PPM1H: variants seen among roughly 807,000 people sequenced by gnomAD.
PPM1H encodes protein phosphatase, Mg2+/Mn2+ dependent 1H.
PPM1H carries 27 observed loss-of-function variants against 54.9 expected under a neutral mutation model. That is an observed-to-expected ratio of 0.49 (90% CI 0.36 to 0.68). The LOEUF is 0.68. Among genes scored for constraint, PPM1H ranks in the 30% least tolerant of loss-of-function variants. PPM1H has a pLI of 0.00. For missense variants in PPM1H, 596 were observed against 667.8 expected, an observed-to-expected ratio of 0.89 and a Z score of 1.19; for synonymous variants, 305 against 270.8, an observed-to-expected ratio of 1.13 and a Z score of -1.24.
At chr12:62,845,893 T>A (rs1868948234) in intron 1 of PPM1H, among the ~76,000 whole-genome samples, 1 of 152,202 alleles carries the variant, frequency 6.6e-6, no homozygotes, top group Non-Finnish European at 1.5e-5. Context: ...ATCCTCCTTC[T>A]GGTGTTCTTT....
At chr12:62,770,545 C>A (rs1395051543) in intron 4 of PPM1H, among the ~76,000 whole-genome samples, 1 of 128,566 alleles carries the variant, frequency 7.8e-6, no homozygotes, top group Non-Finnish European at 1.6e-5. Context: ...GTATATAATA[C>A]AGCTTTTTTT....
intron 1 of PPM1H, among the ~76,000 whole-genome samples, chr12:62,904,376 C>T (rs373412000): frequency 6.6e-6 from 1 of 151,990 alleles, no homozygotes; most frequent in Admixed American, 6.6e-5. Flanking sequence ...TAGCAGGGAC[C>T]GTAGGCACAC....
intron 6 of PPM1H, among the ~76,000 whole-genome samples, chr12:62,710,000 G>A (rs2076197919): frequency 6.6e-6 from 1 of 152,068 alleles, no homozygotes; most frequent in Non-Finnish European, 1.5e-5. Context: ...AACCCAGGAA[G>A]CGGAGGTTGC....
intron 9 of PPM1H, among the ~76,000 whole-genome samples, chr12:62,654,699 G>A (rs2075834893): frequency 1.3e-5 from 2 of 152,190 alleles, no homozygotes; most frequent in South Asian, 4.1e-4. Flanking sequence ...GAACTGAGTT[G>A]CTGCAGACCT....
intron 8 of PPM1H, among the ~76,000 whole-genome samples, chr12:62,673,713 C>CTTTTTTTTTTTTTTT (rs1192243731): frequency 8.4e-5 from 4 of 47,568 alleles, no homozygotes; most frequent in Non-Finnish European, 1.3e-4. Flanking sequence ...AGAAGAGCCA[C>CTTTTTTTTTTTTTTT]TCTTTTTTTT....
chr12:62,916,051 A>T (rs1871611971), intron 1 of PPM1H, among the ~76,000 whole-genome samples: 1 of 152,150 alleles, frequency 6.6e-6, no homozygotes, highest in Non-Finnish European at 1.5e-5. Flanking sequence ...TTCCCAGCAC[A>T]TGTGATCAAT....
chr12:62,915,162 T>TG (rs1448474330), intron 1 of PPM1H, among the ~76,000 whole-genome samples: 1 of 152,236 alleles, frequency 6.6e-6, no homozygotes, highest in Non-Finnish European at 1.5e-5. Context: ...GTTTTTGTTT[T>TG]TTGTTGTTGT....
intron 4 of PPM1H, among the ~76,000 whole-genome samples, chr12:62,787,283 C>T (rs2076677952): frequency 6.6e-6 from 1 of 152,066 alleles, no homozygotes; most frequent in Non-Finnish European, 1.5e-5. Context: ...CCACAAGAGC[C>T]ATGTGACCTA....
At position 62,844,768 on chromosome 12, in the gene PPM1H, T is replaced by TCATTTTGCCATAACACCC. The variant is rs1868896817; in HGVS notation, c.246-12507_246-12490dup. ...TAATTGAATGAATAAACAAATGAAC[T>TCATTTTGCCATAACACCC]CATTTTGCCATAACACCCCATGGGA... On this transcript the variant is annotated intron_variant, in intron 1 of 9. Coordinates refer to ENST00000228705, the MANE Select transcript of PPM1H (RefSeq NM_020700.2). The surrounding 1 kb of genome is among the most constrained non-coding windows in gnomAD (Gnocchi z 5.2). Among the ~76,000 whole-genome samples, 1 of 152,238 alleles carries TCATTTTGCCATAACACCC rather than the reference T, an allele frequency of 6.6e-6. No homozygotes were observed. The highest frequency in any genetic ancestry group is 1.5e-5 in the Non-Finnish European group (1 of 68,038).
intron 4 of PPM1H, among the ~76,000 whole-genome samples, chr12:62,760,002 C>T (rs1422222634): frequency 6.6e-6 from 1 of 152,144 alleles, no homozygotes; most frequent in East Asian, 1.9e-4. Flanking sequence ...CAACCTTCCA[C>T]CCTCCATTCT....
At chr12:62,746,223 G>A (rs1007467823) in intron 4 of PPM1H, among the ~76,000 whole-genome samples, 10 of 152,052 alleles carry the variant, frequency 6.6e-5, no homozygotes, top group Admixed American at 3.9e-4. Flanking sequence ...AAAACAAAGT[G>A]TGAACAGGTG....
Position 62,910,310 on chromosome 12 carries a change from A to G in PPM1H, c.245+24182T>C, listed in dbSNP as rs1871416939. On this transcript the variant is annotated intron_variant, in intron 1 of 9. Transcript: ENST00000228705. ...CATTGGGATGCTTATGTCTATTTAT[A>G]TTAATCAGTTTAAGATGTGCCTATT... Among the ~76,000 whole-genome samples the G allele has an allele frequency of 2.0e-5, 3 of 152,206 alleles. No individual in the cohort carries two copies. In the South Asian group the frequency reaches 6.2e-4, roughly 32 times the overall value.
At chr12:62,839,874 C>CAAAAAAAAAAAAAAAAAAAAAAA (rs746381032) in intron 1 of PPM1H, among the ~76,000 whole-genome samples, 12 of 84,224 alleles carry the variant, frequency 1.4e-4, no homozygotes, top group African/African-American at 5.9e-4. Flanking sequence ...CCTGTTTCTA[C>CAAAAAAAAAAAAAAAAAAAAAAA]AAAAAAAAAA....
intron 1 of PPM1H, among the ~76,000 whole-genome samples, chr12:62,849,972 T>C (rs1208012392): frequency 1.3e-5 from 2 of 152,114 alleles, no homozygotes; most frequent in African/African-American, 4.8e-5. Context: ...TACTTTTTTA[T>C]TTTTTTGAGA....
intron 4 of PPM1H, among the ~76,000 whole-genome samples, chr12:62,779,536 G>A (rs1357985848): frequency 6.6e-6 from 1 of 152,222 alleles, no homozygotes; most frequent in Admixed American, 6.5e-5. Flanking sequence ...CTGAGCAGTT[G>A]CCATACACCT....
chr12:62,765,146 C>G (rs2076533955), intron 4 of PPM1H, among the ~76,000 whole-genome samples: 1 of 152,152 alleles, frequency 6.6e-6, no homozygotes, highest in Non-Finnish European at 1.5e-5. Context: ...GAGAGGGAAC[C>G]AGGGTCTGTT....
intron 1 of PPM1H, among the ~76,000 whole-genome samples, chr12:62,901,125 G>T (rs1312066715): frequency 1.3e-5 from 2 of 152,182 alleles, no homozygotes; most frequent in Non-Finnish European, 2.9e-5. Context: ...ACACAGCAGA[G>T]ATTCTAGTCC....
At chr12:62,806,042 A>T (rs1236243438) in intron 2 of PPM1H, among the ~76,000 whole-genome samples, 1 of 152,244 alleles carries the variant, frequency 6.6e-6, no homozygotes, top group East Asian at 1.9e-4. Context: ...GAGGGGTAGG[A>T]TATAAAACAC....
chr12:62,730,356 G>A (rs2076314620), intron 5 of PPM1H, among the ~76,000 whole-genome samples: 1 of 152,210 alleles, frequency 6.6e-6, no homozygotes, highest in Non-Finnish European at 1.5e-5. Flanking sequence ...ACACTTAGGA[G>A]TAACACTGCT....
Sources: gnomAD v4.1 joint callset for allele counts (sites outside exome capture counted in the v4.1 genomes callset) on GRCh38, gnomAD v4.1.1 for gene constraint, Gnocchi (gnomAD v3.1) non-coding constraint, MANE v1.5 for transcripts, NCBI Gene and HGNC (gene_info 2026-07-23, HGNC 2026-07-21) for gene names.